Variants in STPG1 observed in about 807,000 individuals in gnomAD.
STPG1 encodes O(6)-methylguanine-induced apoptosis 2.
Under a neutral mutation model 40.1 loss-of-function variants are expected in STPG1, and 33 were observed. The observed-to-expected ratio is 0.82, with a 90% CI of 0.62 to 1.10. STPG1 has a LOEUF of 1.10. STPG1 is among the 50% of genes least tolerant of loss of function. The pLI, the probability that STPG1 is intolerant of heterozygous loss-of-function variation, is 0.00. For synonymous variants in STPG1, 150 were observed against 155.0 expected (o/e 0.97, Z 0.24); for missense variants, 396 against 415.1 (o/e 0.95, Z 0.40).
At chr1:24,361,359 A>G (rs1641104665) in intron 7 of STPG1, among the ~76,000 whole-genome samples, 1 of 152,160 alleles carries the variant, frequency 6.6e-6, no homozygotes, top group Non-Finnish European at 1.5e-5. Context: ...GGAGATGTGG[A>G]GCTAACCAGA....
At chr1:24,406,004 T>C (rs1216858493) in intron 1 of STPG1, among the ~76,000 whole-genome samples, 1 of 152,118 alleles carries the variant, frequency 6.6e-6, no homozygotes, top group Non-Finnish European at 1.5e-5. Context: ...ATATATTAGG[T>C]CCTGGTTTTT....
chr1:24,400,766 G>A (rs1267907453), intron 2 of STPG1, among the ~76,000 whole-genome samples: 2 of 152,140 alleles, frequency 1.3e-5, no homozygotes, highest in African/African-American at 2.4e-5. Flanking sequence ...AAAACCAAAG[G>A]GAGCACATGA....
intron 6 of STPG1, among the ~76,000 whole-genome samples, chr1:24,370,880 C>G (rs1284917420): frequency 2.0e-5 from 3 of 151,994 alleles, no homozygotes; most frequent in African/African-American, 7.3e-5. Context: ...CTCAGCCTCC[C>G]AAAGTGCTAG....
intron 6 of STPG1, among the ~76,000 whole-genome samples, chr1:24,370,430 C>T (rs138205005): frequency 2.0e-5 from 3 of 151,722 alleles, no homozygotes; most frequent in Non-Finnish European, 4.4e-5. Flanking sequence ...CAGTGATCCT[C>T]CCATCTCAGT....
chr1:24,372,217 C>T (rs1641786040), intron 6 of STPG1, among the ~76,000 whole-genome samples: 3 of 152,182 alleles, frequency 2.0e-5, no homozygotes, highest in Middle Eastern at 3.4e-3. Context: ...CAAAAAAATC[C>T]AGCTGTTGGA....
rs541605135 is a variant in STPG1 at position 24,372,826 on chromosome 1, G to C, written c.571+876C>G. On this transcript the variant is annotated intron_variant, in intron 6 of 8. Transcript: ENST00000337248. ...CCTGCTTCTGGGGCCCAAGGTTCCT[G>C]GGGCAGCTCTGGTGCCCAGGGCTTC... Among the ~76,000 whole-genome samples the C allele has an allele frequency of 4.6e-5, 7 of 152,288 alleles. No individual in the cohort carries two copies. The East Asian group carries it at 1.4e-3, about 29-fold the overall frequency.
In STPG1 at chr1:24,369,765, T is replaced by C. The variant is rs772233956; in HGVS notation, c.646A>G (p.Asn216Asp). 6 of 1,613,402 alleles carry C rather than the reference T, an allele frequency of 3.7e-6. No individual in the cohort carries two copies. In the South Asian group the frequency reaches 6.6e-5, roughly 18 times the overall value. Residue 216 changes from asparagine (N) to aspartate (D), a missense_variant, in exon 7 of 9, where the codon AAC becomes GAC. Physicochemically the swap from Asn to Asp is conservative, Grantham distance 23. Transcript: ENST00000337248. ...GTTGACGTCAGTTTTAATCCACGGT[T>C]GGTTTTTGATTTAAAACAAGACATT... ...TLMSCFKSKT[N>D]RGLKLTSTGP...
intron 3 of STPG1, among the ~76,000 whole-genome samples, chr1:24,388,312 G>T (rs1287011216): frequency 6.6e-6 from 1 of 152,170 alleles, no homozygotes; most frequent in Non-Finnish European, 1.5e-5. Flanking sequence ...GAAAATGGCC[G>T]GCAGGCTGCT....
At chr1:24,363,489 C>T (rs1641255294) in intron 7 of STPG1, among the ~76,000 whole-genome samples, 1 of 152,314 alleles carries the variant, frequency 6.6e-6, no homozygotes, top group Admixed American at 6.5e-5. Flanking sequence ...TCAGACAGAG[C>T]TGGGTTTGAA....
upstream of STPG1, chr1:24,414,838 T>A (rs1243442941): frequency 6.6e-6 from 1 of 152,094 alleles, no homozygotes; most frequent in Non-Finnish European, 1.5e-5. Context: ...CCCCCAAATA[T>A]GTTATTTATA....
rs555466387 is a variant in STPG1 at position 24,359,207 on chromosome 1, C to G, written c.929-588G>C. 6.6e-6 allele frequency among the ~76,000 whole-genome samples: 1 copy of G among 152,194 alleles called. No homozygotes were observed. Among genetic ancestry groups the G allele is most frequent in the Non-Finnish European group, 1.5e-5 (1 of 68,034 alleles). On this transcript the variant is annotated intron_variant, in intron 8 of 8. Coordinates refer to ENST00000337248, the MANE Select transcript of STPG1 (RefSeq NM_001199013.2). This position sits in a 1 kb window ranked among gnomAD's most constrained non-coding sequence, Gnocchi z 5.3. ...GAGCAGGCAGATGCCGGCACGTGCA[C>G]GTGCCCAGGAAACCCCTCGCAGAAG...
intron 4 of STPG1, among the ~76,000 whole-genome samples, chr1:24,380,571 T>C (rs1475263754): frequency 2.6e-5 from 4 of 152,218 alleles, no homozygotes; most frequent in African/African-American, 9.7e-5. Flanking sequence ...AACATTGCCC[T>C]GGATTTTCTC....
At chr1:24,381,713 T>G (rs1281669553) in intron 4 of STPG1, among the ~76,000 whole-genome samples, 1 of 152,204 alleles carries the variant, frequency 6.6e-6, no homozygotes, top group Non-Finnish European at 1.5e-5. Context: ...CCCACAGAGT[T>G]TTTTGGTCAG....
At chr1:24,365,391 C>T (rs1407647615) in intron 7 of STPG1, among the ~76,000 whole-genome samples, 1 of 152,216 alleles carries the variant, frequency 6.6e-6, no homozygotes, top group African/African-American at 2.4e-5. Context: ...CCAAAACTCT[C>T]ACCCTGACTC....
At chr1:24,374,253 T>G (rs890758446) in intron 5 of STPG1, among the ~76,000 whole-genome samples, 12 of 93,380 alleles carry the variant, frequency 1.3e-4, no homozygotes, top group East Asian at 3.2e-4. Flanking sequence ...TGTTTTTTTT[T>G]TTTGTTTTTT....
Position 24,401,317 on chromosome 1 carries a change from AC to A in STPG1, c.70+1del. ...ATCTCCTCCCTGCAAAGACACATGT[AC>A]CTTTCTGTACTTCACTGGCACGTCT... is the stretch of plus-strand genomic sequence containing the variant. On this transcript the variant is annotated splice_donor_variant, in intron 2 of 8. Coordinates refer to ENST00000337248, the MANE Select transcript of STPG1 (RefSeq NM_001199013.2). LOFTEE classifies it high-confidence loss of function. 1.2e-6 allele frequency: 2 copies of A among 1,613,832 alleles called. No homozygotes were observed. The highest frequency in any genetic ancestry group is 1.7e-6 in the Non-Finnish European group (2 of 1,179,816).
chr1:24,366,357 A>G (rs935073961), intron 7 of STPG1, among the ~76,000 whole-genome samples: 4 of 150,424 alleles, frequency 2.7e-5, no homozygotes, highest in African/African-American at 9.7e-5. Context: ...GAACCCGTGT[A>G]GCTCCTGTCC....
Position 24,358,133 on chromosome 1 carries a change from T to G in STPG1, c.*410A>C, listed in dbSNP as rs1302142204. 2.4e-5 allele frequency: 11 copies of G among 450,390 alleles called. No homozygotes were observed. The highest frequency in any genetic ancestry group is 4.4e-5 in the Non-Finnish European group (10 of 225,936). 27.9% of individuals were successfully genotyped at this position (450,390 alleles called of 1,614,324 possible). A position where few individuals can be genotyped will look rare whatever the true frequency, so the allele number is the denominator to read the frequency against. ...ATGAATGTGTAAATGAATGAAGGAA[T>G]GAAACAGGGAAGGGTGGGGCTTCCA... On this transcript the variant is annotated 3_prime_UTR_variant, in exon 9 of 9. Transcript: ENST00000337248.
At chr1:24,364,651 A>C (rs924284983) in intron 7 of STPG1, among the ~76,000 whole-genome samples, 3 of 152,206 alleles carry the variant, frequency 2.0e-5, no homozygotes, top group Non-Finnish European at 4.4e-5. Context: ...CCCACATGAC[A>C]GTTTCATCCT....
Sources: gnomAD v4.1 joint callset for allele counts (sites outside exome capture counted in the v4.1 genomes callset) on GRCh38, gnomAD v4.1.1 for gene constraint, Gnocchi (gnomAD v3.1) non-coding constraint, MANE v1.5 for transcripts, NCBI Gene and HGNC (gene_info 2026-07-23, HGNC 2026-07-21) for gene names.